Variants in BACH1 observed in about 807,000 individuals in gnomAD.
The protein encoded by BACH1 is BTB domain and CNC homolog 1.
Under a neutral mutation model 52.9 loss-of-function variants are expected in BACH1, and 35 were observed. The observed-to-expected ratio is 0.66, with a 90% confidence interval of 0.51 to 0.88. BACH1 has a LOEUF of 0.88. Ranked by LOEUF, BACH1 falls within the 40% of genes least tolerant of loss-of-function variation. The probability of loss-of-function intolerance (pLI) is 0.00; values close to 1 mark genes in which losing one functional copy is unlikely to be tolerated. For synonymous variants in BACH1, 321 were observed against 319.6 expected, an observed-to-expected ratio of 1.00 and a Z score of -0.05; for missense variants, 808 against 872.6, an observed-to-expected ratio of 0.93 and a Z score of 0.93.
At chr21:29,328,406 TTTTTG>T (rs1430827317) in intron 3 of BACH1, among the ~76,000 whole-genome samples, 2 of 152,028 alleles carry the variant, frequency 1.3e-5, no homozygotes, top group African/African-American at 4.8e-5. Context: ...TTTTTTCTTT[TTTTTG>T]TTTTTATATT....
At position 29,345,874 on chromosome 21, in the gene BACH1, A is replaced by G. The variant is rs1014097899; in HGVS notation, c.*3041A>G. 3 of 152,646 alleles carry G rather than the reference A, an allele frequency of 2.0e-5. No homozygotes were observed. Among genetic ancestry groups the G allele is most frequent in the African/African-American group, 7.2e-5 (3 of 41,460 alleles). 9.5% of individuals were successfully genotyped at this position (152,646 alleles called of 1,614,324 possible). On this transcript the variant is annotated 3_prime_UTR_variant, in exon 5 of 5. Coordinates refer to ENST00000286800, the MANE Select transcript of BACH1 (RefSeq NM_001186.4). ...GGGTAGAATGAAAATTAAAGCCATA[A>G]TGGTAGAAGATGGCATACTGATTAT... is the stretch of plus-strand genomic sequence containing the variant.
chr21:29,317,627 G>A (rs760938578), intron 1 of BACH1, among the ~76,000 whole-genome samples: 3 of 152,186 alleles, frequency 2.0e-5, no homozygotes, highest in South Asian at 4.1e-4. Context: ...TTGAGGACGT[G>A]TTAAGGATTT....
At position 29,321,344 on chromosome 21, in the gene BACH1, C is replaced by T. The variant is rs1038132123; in HGVS notation, c.64C>T (p.Leu22Phe). 4 of 1,614,238 alleles carry T rather than the reference C, an allele frequency of 2.5e-6. No homozygotes were observed. Among genetic ancestry groups the T allele is most frequent in the Non-Finnish European group, 3.4e-6 (4 of 1,180,042 alleles). ...ESSVHSTNVL[L>F]SLNDQRKKDV... The stretch of plus-strand genomic sequence containing the variant: ...TTCTGTGCATAGCACCAATGTTTTA[C>T]TCAGCCTTAATGACCAGCGGAAGAA... The change falls in exon 2 of 5, where the codon CTC (leucine) becomes TTC (phenylalanine). Residue 22 changes from leucine to phenylalanine, a missense_variant. Transcript: ENST00000286800.
chr21:29,317,203 G>A (rs1026605232), intron 1 of BACH1, among the ~76,000 whole-genome samples: 4 of 152,216 alleles, frequency 2.6e-5, no homozygotes, highest in African/African-American at 7.2e-5. Context: ...CATTGCACCC[G>A]CCCATGTGGG....
chr21:29,316,030 G>A (rs1275643199), intron 1 of BACH1, among the ~76,000 whole-genome samples: 1 of 151,906 alleles, frequency 6.6e-6, no homozygotes, highest in African/African-American at 2.4e-5. Context: ...TCTACATTGA[G>A]AATTAAAACA....
intron 2 of BACH1, chr21:29,351,523 G>T: frequency 2.2e-6 from 1 of 454,952 alleles, no homozygotes; most frequent in Non-Finnish European, 4.6e-6. Context: ...TCTGAAGAAG[G>T]AACTCGTTTT....
At chr21:29,322,711 A>G (rs2088863171) in intron 2 of BACH1, among the ~76,000 whole-genome samples, 1 of 152,220 alleles carries the variant, frequency 6.6e-6, no homozygotes, top group African/African-American at 2.4e-5. Flanking sequence ...CTAAGTCTAC[A>G]GTTTAGCTTG....
downstream of BACH1, among the ~76,000 whole-genome samples, chr21:29,348,951 G>T (rs574015810): frequency 2.0e-5 from 3 of 151,966 alleles, no homozygotes; most frequent in Non-Finnish European, 2.9e-5. Context: ...AAAATTAGCC[G>T]GGCGTGGTGG....
chr21:29,352,851 A>G (rs1388426857), intron 2 of BACH1, among the ~76,000 whole-genome samples: 1 of 152,036 alleles, frequency 6.6e-6, no homozygotes, highest in African/African-American at 2.4e-5. Context: ...AGCTGGGACT[A>G]CAGGTGCTCG....
chr21:29,315,994 A>T (rs998430690), intron 1 of BACH1, among the ~76,000 whole-genome samples: 21 of 152,192 alleles, frequency 1.4e-4, no homozygotes, highest in Non-Finnish European at 2.1e-4. Flanking sequence ...AAAAAAAAAA[A>T]TTTGAGGTGT....
chr21:29,307,823 C>T (rs182140919), intron 1 of BACH1, among the ~76,000 whole-genome samples: 253 of 152,192 alleles, frequency 1.7e-3, no homozygotes, highest in African/African-American at 5.8e-3. Flanking sequence ...CCTTCTCAAT[C>T]GCAGGTCTGG....
intron 1 of BACH1, chr21:29,300,866 A>T (rs1475447822): frequency 6.6e-6 from 1 of 152,214 alleles, no homozygotes; most frequent in East Asian, 1.9e-4. Flanking sequence ...AATAGGTCTC[A>T]TTGGGTTAAG....
chr21:29,337,633 A>C (rs946499247), intron 4 of BACH1, among the ~76,000 whole-genome samples: 4 of 152,222 alleles, frequency 2.6e-5, no homozygotes, highest in African/African-American at 9.6e-5. Flanking sequence ...TTTATAATGA[A>C]AGGATGTTGT....
intron 1 of BACH1, among the ~76,000 whole-genome samples, chr21:29,314,934 A>G (rs928034803): frequency 1.1e-4 from 17 of 152,226 alleles, no homozygotes; most frequent in Admixed American, 8.5e-4. Flanking sequence ...TCATGGAGTT[A>G]CTCTTCCAGG....
intron 1 of BACH1, among the ~76,000 whole-genome samples, 195 bp from the exon 2 acceptor site, chr21:29,321,026 G>A (rs567518461): frequency 1.4e-4 from 22 of 152,262 alleles, no homozygotes; most frequent in African/African-American, 4.8e-4. Flanking sequence ...AATCTTTTCC[G>A]TAAAATTAGT....
intron 3 of BACH1, among the ~76,000 whole-genome samples, chr21:29,328,101 C>CT (rs1214599695): frequency 2.0e-5 from 3 of 152,240 alleles, no homozygotes; most frequent in Non-Finnish European, 4.4e-5. Context: ...GGACATGTCC[C>CT]TGAGCAGTGG....
chr21:29,339,490 C>A (rs745331942), intron 4 of BACH1, among the ~76,000 whole-genome samples: 7 of 152,114 alleles, frequency 4.6e-5, no homozygotes, highest in Non-Finnish European at 8.8e-5. Context: ...TTTACCCTAT[C>A]ATAAAATTGT....
chr21:29,316,701 T>C (rs2088791236), intron 1 of BACH1, among the ~76,000 whole-genome samples: 1 of 152,224 alleles, frequency 6.6e-6, no homozygotes, highest in African/African-American at 2.4e-5. Flanking sequence ...TTCAGAACAC[T>C]TCTGTAGTGC....
chr21:29,338,396 C>A (rs1431040805), intron 4 of BACH1, among the ~76,000 whole-genome samples: 1 of 151,976 alleles, frequency 6.6e-6, no homozygotes, highest in Non-Finnish European at 1.5e-5. Flanking sequence ...TTTTTTGAGA[C>A]AGGGTTTCAC....
Sources: gnomAD v4.1 joint callset for allele counts (sites outside exome capture counted in the v4.1 genomes callset) on GRCh38, gnomAD v4.1.1 for gene constraint, MANE v1.5 for transcripts, NCBI Gene and HGNC (gene_info 2026-07-23, HGNC 2026-07-21) for gene names.